The following AKAP6 variants were observed in gnomAD, a reference collection of about 807,000 sequenced individuals.
AKAP6 encodes the protein A-kinase anchoring protein 6, also known as A-kinase anchor protein 6.
A neutral mutation model predicts 188.5 loss-of-function variants in AKAP6; 58 were observed. The ratio of observed to expected loss-of-function variants is 0.31; its 90% confidence interval spans 0.25 to 0.38. AKAP6 has a LOEUF of 0.38. Among genes scored for constraint, AKAP6 ranks in the 10% least tolerant of loss-of-function variants. The pLI, the probability that AKAP6 is intolerant of heterozygous loss-of-function variation, is 1.00. For missense variants in AKAP6, 2,710 were observed against 2,740.0 expected (o/e 0.99, Z 0.24); for synonymous variants, 989 against 998.6 (o/e 0.99, Z 0.18).
chr14:32,633,181 T>C (rs1037957551), intron 7 of AKAP6, among the ~76,000 whole-genome samples: 14 of 152,132 alleles, frequency 9.2e-5, no homozygotes, highest in Non-Finnish European at 1.9e-4. Flanking sequence ...TTTCAGTCTT[T>C]GACAGATTTT....
chr14:32,473,297 A>C (rs763935772), intron 2 of AKAP6, among the ~76,000 whole-genome samples: 1 of 152,222 alleles, frequency 6.6e-6, no homozygotes, highest in African/African-American at 2.4e-5. Context: ...CAGGAAGCCT[A>C]CTACTTCAGA....
At chr14:32,333,439 CT>C (rs765327171) in intron 1 of AKAP6, among the ~76,000 whole-genome samples, 33 of 152,094 alleles carry the variant, frequency 2.2e-4, no homozygotes, top group South Asian at 4.1e-4. Flanking sequence ...AGATGCAAAT[CT>C]CTTCCCCAGC....
At chr14:32,596,284 G>A (rs1885700822) in intron 5 of AKAP6, among the ~76,000 whole-genome samples, 2 of 152,144 alleles carry the variant, frequency 1.3e-5, no homozygotes, top group African/African-American at 2.4e-5. Context: ...TCAGAAATAT[G>A]AGTGGAAAGG....
chr14:32,377,326 A>G (rs1366824840), intron 1 of AKAP6, among the ~76,000 whole-genome samples: 2 of 152,190 alleles, frequency 1.3e-5, no homozygotes, highest in Non-Finnish European at 2.9e-5. Flanking sequence ...ATGGAATTTA[A>G]TCAAATGTGA....
chr14:32,609,738 G>A (rs77500428), intron 7 of AKAP6, among the ~76,000 whole-genome samples: 7,136 of 152,150 alleles, frequency 0.047, 535 homozygotes, highest in African/African-American at 0.16. Context: ...ATTAAAGAAC[G>A]AAGCATGTGT....
At chr14:32,760,069 T>G (rs1243827489) in intron 11 of AKAP6, among the ~76,000 whole-genome samples, 1 of 152,226 alleles carries the variant, frequency 6.6e-6, no homozygotes, top group African/African-American at 2.4e-5. Context: ...AGTTAGACTT[T>G]GAAGGTGTTA....
At chr14:32,608,006 G>C (rs945933835) in intron 7 of AKAP6, among the ~76,000 whole-genome samples, 1 of 152,130 alleles carries the variant, frequency 6.6e-6, no homozygotes, top group Admixed American at 6.6e-5. Flanking sequence ...TGGTTACTAA[G>C]TTTGTTATCG....
At chr14:32,750,868 G>A (rs1383906238) in intron 11 of AKAP6, among the ~76,000 whole-genome samples, 2 of 151,218 alleles carry the variant, frequency 1.3e-5, no homozygotes, top group Non-Finnish European at 2.9e-5. Flanking sequence ...CCGAGTAGCT[G>A]GGACTACAGG....
At chr14:32,433,876 G>T in intron 2 of AKAP6, 59 bp downstream of exon 2, 1 of 1,497,880 alleles carries the variant, frequency 6.7e-7, no homozygotes, top group Non-Finnish European at 9.1e-7. Flanking sequence ...GTGGCACCTA[G>T]AGACTGTGTT....
intron 9 of AKAP6, among the ~76,000 whole-genome samples, chr14:32,705,142 A>G (rs111785353): frequency 0.015 from 2,227 of 152,312 alleles, 20 homozygotes; most frequent in Non-Finnish European, 0.021. Flanking sequence ...AGGGATATCA[A>G]TTTGGAGTAT....
chr14:32,719,375 C>A (rs995300727), intron 9 of AKAP6, among the ~76,000 whole-genome samples: 1 of 152,068 alleles, frequency 6.6e-6, no homozygotes, highest in Non-Finnish European at 1.5e-5. Context: ...TTGATGATGA[C>A]AGTAAGGGCG....
intron 2 of AKAP6, among the ~76,000 whole-genome samples, chr14:32,448,061 T>A (rs1459955198): frequency 6.6e-6 from 1 of 152,186 alleles, no homozygotes; most frequent in African/African-American, 2.4e-5. Flanking sequence ...TGAGGTAAAG[T>A]TGAGTGATTT....
intron 2 of AKAP6, among the ~76,000 whole-genome samples, chr14:32,499,181 G>C (rs113620270): frequency 6.6e-5 from 10 of 152,028 alleles, no homozygotes; most frequent in Non-Finnish European, 1.2e-4. Flanking sequence ...AAGCATCTTG[G>C]CTGTTAGCAA....
At chr14:32,359,555 G>A (rs1887591670) in intron 1 of AKAP6, among the ~76,000 whole-genome samples, 1 of 144,100 alleles carries the variant, frequency 6.9e-6, no homozygotes, top group Non-Finnish European at 1.5e-5. Context: ...CTAAACTACT[G>A]CATAGACTTT....
At chr14:32,600,872 A>C in intron 7 of AKAP6, 80 bp downstream of exon 7, 1 of 1,361,604 alleles carries the variant, frequency 7.3e-7, no homozygotes, top group East Asian at 2.5e-5. Flanking sequence ...TTTCTTTCCA[A>C]CCCTAAGGCT....
chr14:32,462,916 A>AAACC (rs1555330710), intron 2 of AKAP6, among the ~76,000 whole-genome samples: 1 of 93,778 alleles, frequency 1.1e-5, no homozygotes, highest in Non-Finnish European at 1.9e-5. Context: ...AAAAAAAAAA[A>AAACC]AAAAAAAAAA....
At chr14:32,600,325 T>G (rs1274554948) in intron 6 of AKAP6, among the ~76,000 whole-genome samples, 1 of 152,186 alleles carries the variant, frequency 6.6e-6, no homozygotes, top group Non-Finnish European at 1.5e-5. Flanking sequence ...GAAACTGTAA[T>G]GTTATTAATT....
intron 5 of AKAP6, among the ~76,000 whole-genome samples, chr14:32,584,293 A>G (rs974624475): frequency 1.3e-5 from 2 of 152,226 alleles, no homozygotes; most frequent in African/African-American, 4.8e-5. Context: ...CAGGTAGCAT[A>G]TACAGCATAG....
chr14:32,631,242 A>G (rs1449553386), intron 7 of AKAP6, among the ~76,000 whole-genome samples: 5 of 151,994 alleles, frequency 3.3e-5, no homozygotes, highest in Non-Finnish European at 7.4e-5. Context: ...AGCGCCCCGT[A>G]TATAAGATTA....
Sources: allele counts gnomAD v4.1 joint callset (sites outside exome capture counted in the v4.1 genomes callset), GRCh38; gene constraint gnomAD v4.1.1; transcripts MANE v1.5; gene names NCBI Gene and HGNC (gene_info 2026-07-23, HGNC 2026-07-21).